The following PLCL1 variants were observed in gnomAD, a reference collection of about 807,000 sequenced individuals.
PLCL1 encodes phospholipase C like 1 (inactive), also known as inactive phospholipase C-like protein 1.
Under a neutral mutation model 84.4 loss-of-function variants are expected in PLCL1, and 41 were observed. The ratio of observed to expected loss-of-function variants is 0.49; its 90% confidence interval spans 0.38 to 0.63. The LOEUF is 0.63. Ranked by LOEUF, PLCL1 falls within the 30% of genes least tolerant of loss-of-function variation. PLCL1 has a pLI of 0.00. For synonymous variants in PLCL1, 490 were observed against 488.3 expected, an observed-to-expected ratio of 1.00 and a Z score of -0.05; for missense variants, 1,206 against 1,367.8, an observed-to-expected ratio of 0.88 and a Z score of 1.87.
intron 1 of PLCL1, among the ~76,000 whole-genome samples, chr2:197,886,681 C>A (rs1687931190): frequency 6.6e-6 from 1 of 152,092 alleles, no homozygotes; most frequent in Non-Finnish European, 1.5e-5. Flanking sequence ...GGGGAACAAG[C>A]TCAGTGTCTT....
chr2:198,135,047 G>A (rs1215098487), intron 5 of PLCL1, among the ~76,000 whole-genome samples: 1 of 152,172 alleles, frequency 6.6e-6, no homozygotes, highest in Non-Finnish European at 1.5e-5. Context: ...GCTAATATTT[G>A]TAACTATCTT....
intron 1 of PLCL1, among the ~76,000 whole-genome samples, chr2:197,888,275 A>T (rs559933722): frequency 2.4e-4 from 36 of 152,028 alleles, no homozygotes; most frequent in African/African-American, 8.0e-4. Context: ...ATTTGTAAAG[A>T]TTCCTCATAT....
In PLCL1 at chr2:197,931,647, T is replaced by TCCAA. The variant is rs1229606567; in HGVS notation, c.240+126336_240+126339dup. Among the ~76,000 whole-genome samples the TCCAA allele has an allele frequency of 4.2e-3, 606 of 145,904 alleles. 6 individuals are homozygous for TCCAA. Among genetic ancestry groups the TCCAA allele is most frequent in the African/African-American group, 0.012 (460 of 38,658 alleles). On this transcript the variant is annotated intron_variant, in intron 1 of 5. Transcript: ENST00000428675. Reference sequence around the variant, plus strand: ...CCTTCCTCATACCAACCTACAACCATCCAACCAACCAACCAACCAACCAAC... The same window carrying TCCAA: ...CCTTCCTCATACCAACCTACAACCATCCAACCAACCAACCAACCAACCAACCAAC...
intron 1 of PLCL1, among the ~76,000 whole-genome samples, chr2:198,005,640 A>G (rs1212789339): frequency 6.6e-6 from 1 of 152,226 alleles, no homozygotes; most frequent in Non-Finnish European, 1.5e-5. Flanking sequence ...GCAGACTGCA[A>G]TAAAAAAGTA....
chr2:198,019,898 ATACTC>A (rs1341092523), intron 1 of PLCL1, among the ~76,000 whole-genome samples: 2 of 152,242 alleles, frequency 1.3e-5, no homozygotes, highest in Non-Finnish European at 2.9e-5. Context: ...CACCACAAAG[ATACTC>A]CTTGAGAAGA....
At chr2:198,067,462 A>G (rs1175373866) in intron 1 of PLCL1, among the ~76,000 whole-genome samples, 1 of 152,176 alleles carries the variant, frequency 6.6e-6, no homozygotes, top group African/African-American at 2.4e-5. Context: ...ATTTTTGCCA[A>G]GTAATATAGC....
At chr2:197,864,864 T>A (rs539727508) in intron 1 of PLCL1, among the ~76,000 whole-genome samples, 1 of 152,332 alleles carries the variant, frequency 6.6e-6, no homozygotes, top group African/African-American at 2.4e-5. Flanking sequence ...CAGAAGCGGT[T>A]AAGAACTTCC....
intron 1 of PLCL1, among the ~76,000 whole-genome samples, chr2:197,848,851 G>A (rs1363285278): frequency 6.6e-6 from 1 of 152,106 alleles, no homozygotes; most frequent in African/African-American, 2.4e-5. Context: ...CCACAGAGAT[G>A]AGACAAGTAC....
At chr2:197,817,356 ATGTGCG>A (rs1424727655) in intron 1 of PLCL1, among the ~76,000 whole-genome samples, 3 of 151,842 alleles carry the variant, frequency 2.0e-5, no homozygotes, top group Admixed American at 1.3e-4. Context: ...TGATGTTTCT[ATGTGCG>A]TGTGCGTGTG....
intron 1 of PLCL1, among the ~76,000 whole-genome samples, chr2:197,827,568 A>G (rs1361680701): frequency 6.7e-6 from 1 of 149,396 alleles, no homozygotes; most frequent in Non-Finnish European, 1.5e-5. Flanking sequence ...TGTTGTCAAC[A>G]AAGTGGATAT....
chr2:197,960,423 C>T (rs1689588599), intron 1 of PLCL1, among the ~76,000 whole-genome samples: 2 of 152,080 alleles, frequency 1.3e-5, no homozygotes, highest in African/African-American at 4.8e-5. Context: ...CATTACTTCC[C>T]CACTTGTTCC....
intron 1 of PLCL1, among the ~76,000 whole-genome samples, chr2:198,075,752 G>A (rs933499841): frequency 2.0e-5 from 3 of 151,992 alleles, no homozygotes; most frequent in South Asian, 4.2e-4. Context: ...TATACATTTT[G>A]CTCTAATTAT....
Position 198,147,145 on chromosome 2 carries a change from A to G in PLCL1, c.*183A>G. On this transcript the variant is annotated 3_prime_UTR_variant, in exon 6 of 6. Transcript: ENST00000428675. ...ATTTATCTAAATTAAAGCCTTTAGTATCAGTGTTTTAAATTCTGAGACATG... is the reference window on the plus strand; with the variant it reads ...ATTTATCTAAATTAAAGCCTTTAGTGTCAGTGTTTTAAATTCTGAGACATG... 1 of 499,660 alleles carries G rather than the reference A, an allele frequency of 2.0e-6. No individual in the cohort carries two copies. Among genetic ancestry groups the G allele is most frequent in the Non-Finnish European group, 3.5e-6 (1 of 285,716 alleles). 31.0% of individuals were successfully genotyped at this position (499,660 alleles called of 1,614,324 possible).
intron 1 of PLCL1, among the ~76,000 whole-genome samples, chr2:197,877,817 A>T (rs1045695346): frequency 1.3e-5 from 2 of 152,186 alleles, no homozygotes; most frequent in Non-Finnish European, 2.9e-5. Context: ...TTTGTAACAG[A>T]GTTCTCAAAT....
At chr2:198,039,138 A>T (rs1273152409) in intron 1 of PLCL1, among the ~76,000 whole-genome samples, 2 of 152,292 alleles carry the variant, frequency 1.3e-5, no homozygotes, top group East Asian at 1.9e-4. Flanking sequence ...TAGCAGACTA[A>T]GGAAGGAGCT....
intron 1 of PLCL1, among the ~76,000 whole-genome samples, chr2:197,872,394 T>C (rs1282063735): frequency 6.6e-6 from 1 of 152,170 alleles, no homozygotes; most frequent in East Asian, 1.9e-4. Context: ...CTTTCTCATT[T>C]GTAATCCGTC....
intron 1 of PLCL1, among the ~76,000 whole-genome samples, chr2:198,064,237 G>T (rs1392106922): frequency 6.6e-6 from 1 of 151,994 alleles, no homozygotes; most frequent in South Asian, 2.1e-4. Flanking sequence ...AGTCCTCCAA[G>T]TTCCATTATA....
intron 1 of PLCL1, among the ~76,000 whole-genome samples, chr2:197,919,668 A>G (rs1688667966): frequency 6.6e-6 from 1 of 152,198 alleles, no homozygotes; most frequent in African/African-American, 2.4e-5. Context: ...GAAGTGACTT[A>G]TGTTCTATCC....
intron 1 of PLCL1, among the ~76,000 whole-genome samples, chr2:198,001,716 C>T (rs962889359): frequency 1.3e-5 from 2 of 152,026 alleles, no homozygotes; most frequent in East Asian, 3.9e-4. Flanking sequence ...GGAATCAGGC[C>T]CCACAGCAGG....
Sources: gnomAD v4.1 joint callset for allele counts (sites outside exome capture counted in the v4.1 genomes callset) on GRCh38, gnomAD v4.1.1 for gene constraint, MANE v1.5 for transcripts, NCBI Gene and HGNC (gene_info 2026-07-23, HGNC 2026-07-21) for gene names.